GALNT14: variants seen among roughly 807,000 people sequenced by gnomAD.
GALNT14 encodes polypeptide N-acetylgalactosaminyltransferase 14.
In GALNT14, 60 loss-of-function variants were observed where a neutral mutation model predicts 77.5. The ratio of observed to expected loss-of-function variants is 0.77; its 90% CI spans 0.63 to 0.96. The LOEUF (loss-of-function observed/expected upper bound fraction) is 0.96. GALNT14 is among the 40% of genes least tolerant of loss of function. GALNT14 has a pLI of 0.00. For missense variants in GALNT14, 710 were observed against 731.0 expected, an observed-to-expected ratio of 0.97 and a Z score of 0.33; for synonymous variants, 280 against 281.7, an observed-to-expected ratio of 0.99 and a Z score of 0.06.
At chr2:30,901,941 C>A in the GALNT14 span, among the ~76,000 whole-genome samples, 7 of 152,100 alleles carry the variant, frequency 4.6e-5, no homozygotes, top group African/African-American at 1.7e-4. Context: ...TTTTTGTTGT[C>A]ATAGGCTGAT....
At chr2:31,121,749 G>A (rs1483229329) in intron 1 of GALNT14, among the ~76,000 whole-genome samples, 7 of 152,066 alleles carry the variant, frequency 4.6e-5, no homozygotes, top group African/African-American at 1.4e-4. Context: ...GTCCTAGATG[G>A]TGTTAGTCAT....
chr2:30,965,530 G>A (rs897688376), intron 3 of GALNT14, among the ~76,000 whole-genome samples: 1 of 152,104 alleles, frequency 6.6e-6, no homozygotes, highest in Non-Finnish European at 1.5e-5. Context: ...TAAGCCTTCT[G>A]GGTGCAGGTC....
chr2:30,912,081 A>ATGGTGGTCAT, intron 14 of GALNT14, 142 bp downstream of exon 14: 1 of 1,010,842 alleles, frequency 9.9e-7, no homozygotes, highest in Non-Finnish European at 1.5e-6. Context: ...CCCAGGCAGC[A>ATGGTGGTCAT]CTTTCCCTCC....
chr2:30,888,698 A>G, the GALNT14 span, among the ~76,000 whole-genome samples: 1 of 152,120 alleles, frequency 6.6e-6, no homozygotes, highest in Admixed American at 6.5e-5. Flanking sequence ...GTTCCTACCA[A>G]TGGCCATTGG....
intron 1 of GALNT14, among the ~76,000 whole-genome samples, chr2:31,064,242 T>G (rs1455338699): frequency 6.6e-6 from 1 of 152,232 alleles, no homozygotes; most frequent in Non-Finnish European, 1.5e-5. Context: ...GCACACAACT[T>G]AAATGTAAAA....
the GALNT14 span, among the ~76,000 whole-genome samples, chr2:30,895,777 C>G: frequency 6.6e-6 from 1 of 152,196 alleles, no homozygotes; most frequent in Non-Finnish European, 1.5e-5. Flanking sequence ...TCCCTCCCAC[C>G]TTCTCTTTCC....
chr2:31,011,997 AG>A (rs56886871), intron 1 of GALNT14, among the ~76,000 whole-genome samples: 8,865 of 152,222 alleles, frequency 0.058, 832 homozygotes, highest in African/African-American at 0.2. Flanking sequence ...TGAAACGGGC[AG>A]GGGCAAAGAA....
At chr2:30,933,590 T>G (rs138944253) in intron 9 of GALNT14, among the ~76,000 whole-genome samples, 1 of 152,190 alleles carries the variant, frequency 6.6e-6, no homozygotes, top group Non-Finnish European at 1.5e-5. Context: ...CACCTGCCCC[T>G]CTGCCTACTG....
intron 6 of GALNT14, among the ~76,000 whole-genome samples, chr2:30,954,384 G>A (rs918105955): frequency 6.6e-6 from 1 of 152,190 alleles, no homozygotes; most frequent in Non-Finnish European, 1.5e-5. Flanking sequence ...TTTTGAGACA[G>A]AATTTCACTC....
In GALNT14 at chr2:30,918,953, G is replaced by A. The variant is rs532654315; in HGVS notation, c.1380+5166C>T. On this transcript the variant is annotated intron_variant, in intron 13 of 14. Transcript: ENST00000349752. ...CGGCAGACTCAGGCTCACACACCTC[G>A]AGGCACCAGTGCCAGTCCAGATTAG... Among the ~76,000 whole-genome samples the A allele has an allele frequency of 7.9e-5, 12 of 152,186 alleles. No individual in the cohort carries two copies. In the South Asian group the frequency reaches 2.1e-3, roughly 26 times the overall value.
chr2:30,896,802 C>A, the GALNT14 span, among the ~76,000 whole-genome samples: 3 of 151,998 alleles, frequency 2.0e-5, no homozygotes, highest in East Asian at 5.8e-4. Context: ...ATCTTTCCCC[C>A]TCCCTCTTCT....
intron 1 of GALNT14, among the ~76,000 whole-genome samples, chr2:31,054,787 G>A (rs775680700): frequency 2.6e-5 from 4 of 152,046 alleles, no homozygotes; most frequent in African/African-American, 7.3e-5. Flanking sequence ...CAGCATTACC[G>A]GTCCCCATGC....
rs377629408 is a variant in GALNT14, at chr2:31,016,542, G to A, written c.130-23535C>T. ...CAGTGGGTGCCACTGTGCCCCACAC[G>A]AACTCCTTCCACTGGGCCTGCACAC... On this transcript the variant is annotated intron_variant, in intron 1 of 14. Coordinates refer to ENST00000349752, the MANE Select transcript of GALNT14 (RefSeq NM_024572.4). Among the ~76,000 whole-genome samples the A allele has an allele frequency of 4.9e-4, 74 of 152,154 alleles. 1 individual carries two copies. In the East Asian group the frequency reaches 7.6e-3, roughly 16 times the overall value.
intron 1 of GALNT14, among the ~76,000 whole-genome samples, chr2:31,094,276 G>T (rs1431162649): frequency 6.6e-6 from 1 of 152,118 alleles, no homozygotes; most frequent in Non-Finnish European, 1.5e-5. Flanking sequence ...TCCATCCCCT[G>T]CCCACAAAAC....
intron 1 of GALNT14, among the ~76,000 whole-genome samples, chr2:31,015,646 A>G (rs1350717259): frequency 6.6e-6 from 1 of 152,206 alleles, no homozygotes; most frequent in Non-Finnish European, 1.5e-5. Flanking sequence ...AAACATATCA[A>G]TATCACATAT....
chr2:30,953,690 T>A (rs1318780383), intron 6 of GALNT14, among the ~76,000 whole-genome samples: 2 of 152,150 alleles, frequency 1.3e-5, no homozygotes, highest in African/African-American at 2.4e-5. Flanking sequence ...AGGTCATTTG[T>A]GAAGCAGTGT....
At chr2:31,087,379 G>C (rs1260980679) in intron 1 of GALNT14, among the ~76,000 whole-genome samples, 1 of 146,730 alleles carries the variant, frequency 6.8e-6, no homozygotes, top group East Asian at 1.9e-4. Flanking sequence ...AACTGTGAGA[G>C]AAATGCACAT....
At chr2:30,974,001 C>A (rs1193013503) in intron 2 of GALNT14, among the ~76,000 whole-genome samples, 1 of 152,150 alleles carries the variant, frequency 6.6e-6, no homozygotes, top group Non-Finnish European at 1.5e-5. Flanking sequence ...CTCTGGTGGG[C>A]AGCTTTCAAA....
chr2:31,084,128 T>G (rs933143058), intron 1 of GALNT14, among the ~76,000 whole-genome samples: 1 of 152,182 alleles, frequency 6.6e-6, no homozygotes, highest in African/African-American at 2.4e-5. Context: ...TGAACAAGCA[T>G]CGGGACTGGC....
Sources: allele counts gnomAD v4.1 joint callset (sites outside exome capture counted in the v4.1 genomes callset), GRCh38; gene constraint gnomAD v4.1.1; transcripts MANE v1.5; gene names NCBI Gene and HGNC (gene_info 2026-07-23, HGNC 2026-07-21).